The following PDZD2 variants were observed in gnomAD, a reference collection of about 807,000 sequenced individuals.
The protein encoded by PDZD2 is PDZ domain-containing protein 2.
A neutral mutation model predicts 220.7 loss-of-function variants in PDZD2; 90 were observed. The observed-to-expected ratio is 0.41, with a 90% CI of 0.34 to 0.49. The LOEUF is 0.49. Among genes scored for constraint, PDZD2 ranks in the 20% least tolerant of loss-of-function variants. PDZD2 has a pLI of 0.28. For missense variants in PDZD2, 3,174 were observed against 3,608.5 expected (o/e 0.88, Z 3.08); for synonymous variants, 1,375 against 1,450.5 (o/e 0.95, Z 1.18).
At position 32,037,845 on chromosome 5, in the gene PDZD2, AT is replaced by A. The variant is rs11387630; in HGVS notation, c.1519+515del. On this transcript the variant is annotated intron_variant, in intron 7 of 24. Coordinates refer to ENST00000438447, the MANE Select transcript of PDZD2 (RefSeq NM_178140.4). ...ACTTTTGTGTATCATTATGAAAGGC[AT>A]TTTTTTTTTTTCTGAGATGGAGTCT... 3.4e-4 allele frequency among the ~76,000 whole-genome samples: 50 copies of A among 146,548 alleles called. No individual in the cohort carries two copies. The East Asian group carries it at 4.1e-3, about 12-fold the overall frequency.
intron 17 of PDZD2, among the ~76,000 whole-genome samples, chr5:32,073,424 G>A (rs535644325): frequency 6.6e-6 from 1 of 152,292 alleles, no homozygotes. Context: ...GGGCCAAGAA[G>A]GCAGCCCAGG....
At chr5:31,716,066 C>T (rs1362097099) in intron 1 of PDZD2, among the ~76,000 whole-genome samples, 1 of 152,152 alleles carries the variant, frequency 6.6e-6, no homozygotes, top group Non-Finnish European at 1.5e-5. Flanking sequence ...TTAGGGACTG[C>T]CTATATGTGA....
chr5:31,990,926 C>T (rs768628109), intron 3 of PDZD2, among the ~76,000 whole-genome samples: 6 of 152,076 alleles, frequency 3.9e-5, no homozygotes, highest in Non-Finnish European at 5.9e-5. Context: ...AGTAAAGAGG[C>T]GATGTTTGAG....
chr5:32,048,489 G>A (rs375396366), intron 7 of PDZD2, 50 bp from the exon 8 acceptor site: 51 of 1,532,800 alleles, frequency 3.3e-5, no homozygotes, highest in African/African-American at 2.2e-4. Flanking sequence ...ATGTGCTTAC[G>A]ATTCTTTTTG....
rs138743220 is a variant in PDZD2 at position 31,882,787 on chromosome 5, G to A, written c.476+83063G>A. On this transcript the variant is annotated intron_variant, in intron 2 of 24. Coordinates refer to ENST00000438447, the MANE Select transcript of PDZD2 (RefSeq NM_178140.4). ...CTCACATCTAAAATCCCAGCACTTT[G>A]GGAGGCCGAGGTGGGCGGATCACTT... 8.6e-3 allele frequency among the ~76,000 whole-genome samples: 1,310 copies of A among 152,074 alleles called. 16 individuals are homozygous for A. Among genetic ancestry groups the A allele is most frequent in the African/African-American group, 0.03 (1,247 of 41,484 alleles).
chr5:32,052,631 G>T lies in PDZD2; in HGVS notation c.1686G>T (p.Lys562Asn). 6.2e-7 allele frequency: 1 copy of T among 1,613,684 alleles called. No individual in the cohort carries two copies. ...TTTAGGAATACCACATTGTGAAGAA[G>T]TCTACCCGCTCCTTAAGCACGACTC... is the stretch of plus-strand genomic sequence containing the variant. ...SASQEYHIVK[K>N]STRSLSTTQV... The change falls in exon 9 of 25, where the codon AAG becomes AAT. Residue 562 changes from lysine to asparagine, a missense_variant. This residue lies in a region of PDZD2 where 50 missense variants were observed against 109.5 expected (regional missense o/e 0.46). Coordinates refer to ENST00000438447, the MANE Select transcript of PDZD2 (RefSeq NM_178140.4).
intron 6 of PDZD2, among the ~76,000 whole-genome samples, chr5:32,014,011 C>G (rs1037056323): frequency 5.3e-5 from 8 of 152,294 alleles, no homozygotes; most frequent in Admixed American, 2.6e-4. Flanking sequence ...CCAGGGTCGG[C>G]CCTGCTGTGC....
At chr5:31,832,801 GCGAGACTC>G (rs148234522) in intron 2 of PDZD2, among the ~76,000 whole-genome samples, 12,937 of 152,196 alleles carry the variant, frequency 0.085, 719 homozygotes, top group Middle Eastern at 0.13. Flanking sequence ...GGGTGACAGA[GCGAGACTC>G]TGTCTCAAAA....
At chr5:32,017,466 A>G (rs1474310268) in intron 6 of PDZD2, among the ~76,000 whole-genome samples, 1 of 151,980 alleles carries the variant, frequency 6.6e-6, no homozygotes, top group Non-Finnish European at 1.5e-5. Flanking sequence ...TTAGAAAAAA[A>G]TAGTTTAAAA....
chr5:31,884,611 CAG>C (rs1326133712), intron 2 of PDZD2, among the ~76,000 whole-genome samples: 3 of 151,912 alleles, frequency 2.0e-5, no homozygotes, highest in Non-Finnish European at 2.9e-5. Flanking sequence ...TGTTTTGAAG[CAG>C]AGTCTTGCTC....
At chr5:31,914,650 T>C (rs1743520751) in intron 2 of PDZD2, among the ~76,000 whole-genome samples, 1 of 152,228 alleles carries the variant, frequency 6.6e-6, no homozygotes, top group Non-Finnish European at 1.5e-5. Flanking sequence ...CAGATGTCAA[T>C]GTGAGAAAGG....
In PDZD2 at chr5:31,861,637, G is replaced by A. The variant is rs115591159; in HGVS notation, c.476+61913G>A. ...ACTGAAGTGAGGACTGCTTTTAAAT[G>A]ACACAGCACTGAAGACACTTCATGC... On this transcript the variant is annotated intron_variant, in intron 2 of 24. Coordinates refer to ENST00000438447, the MANE Select transcript of PDZD2 (RefSeq NM_178140.4). Among the ~76,000 whole-genome samples the A allele has an allele frequency of 4.9e-3, 746 of 152,284 alleles. 4 individuals carry two copies. Among genetic ancestry groups the A allele is most frequent in the African/African-American group, 0.018 (732 of 41,558 alleles).
In PDZD2 at chr5:32,087,478, C is replaced by G. The variant is rs753330511; in HGVS notation, c.4030C>G (p.Pro1344Ala). The change falls in exon 20 of 25, where the codon CCC (proline) becomes GCC (alanine). Residue 1344 changes from proline to alanine, a missense_variant. By Grantham distance (27) the Pro-to-Ala change is conservative. Coordinates refer to ENST00000438447, the MANE Select transcript of PDZD2 (RefSeq NM_178140.4). This position sits in a 1 kb window ranked among gnomAD's most constrained non-coding sequence, Gnocchi z 4.0. Reference protein sequence around the residue: ...TPAGAVLPGDPLTSQEQRQGA... With the variant: ...TPAGAVLPGDALTSQEQRQGA... ...AGCTGGTGCTGTCCTGCCAGGAGACCCCCTCACATCCCAGGAGCAGAGACA... is the reference window on the plus strand; with the variant it reads ...AGCTGGTGCTGTCCTGCCAGGAGACGCCCTCACATCCCAGGAGCAGAGACA... The G allele has an allele frequency of 6.2e-7, 1 of 1,613,400 alleles. No homozygotes were observed. The highest frequency in any genetic ancestry group is 1.7e-5 in the Admixed American group (1 of 59,970).
chr5:32,035,983 G>A (rs536871211), intron 6 of PDZD2, among the ~76,000 whole-genome samples: 15 of 151,848 alleles, frequency 9.9e-5, no homozygotes, highest in African/African-American at 2.4e-4. Context: ...TCGCTCTGTC[G>A]CCCAGGCTGG....
chr5:31,745,402 A>G (rs1372207407), intron 1 of PDZD2, among the ~76,000 whole-genome samples: 1 of 152,192 alleles, frequency 6.6e-6, no homozygotes, highest in Non-Finnish European at 1.5e-5. Context: ...ATAGTGTCTG[A>G]TACACAGTAG....
At chr5:31,794,730 T>A (rs58326025) in intron 1 of PDZD2, among the ~76,000 whole-genome samples, 13,261 of 151,876 alleles carry the variant, frequency 0.087, 713 homozygotes, top group Middle Eastern at 0.13. Flanking sequence ...TTTTAAAAAA[T>A]TTTTTTTTAT....
intron 2 of PDZD2, among the ~76,000 whole-genome samples, chr5:31,934,915 C>T (rs1286588045): frequency 2.6e-5 from 4 of 151,938 alleles, no homozygotes; most frequent in African/African-American, 9.7e-5. Context: ...GGTGAAACCC[C>T]ATCTCTACTA....
At chr5:31,700,353 A>G (rs902867655) in intron 1 of PDZD2, among the ~76,000 whole-genome samples, 1 of 152,118 alleles carries the variant, frequency 6.6e-6, no homozygotes, top group African/African-American at 2.4e-5. Context: ...GCTGGCCAGC[A>G]GTTGGTGGAG....
At chr5:31,729,099 CTTTTTTTTT>C (rs10650811) in intron 1 of PDZD2, among the ~76,000 whole-genome samples, 1 of 123,652 alleles carries the variant, frequency 8.1e-6, no homozygotes, top group Non-Finnish European at 1.6e-5. Flanking sequence ...TGATCGAAAT[CTTTTTTTTT>C]TTTTTTTTTT....
Sources: gnomAD v4.1 joint callset for allele counts (sites outside exome capture counted in the v4.1 genomes callset) on GRCh38, gnomAD v4.1.1 for gene constraint, gnomAD v4.1.1 regional missense constraint, Gnocchi (gnomAD v3.1) non-coding constraint, MANE v1.5 for transcripts, NCBI Gene and HGNC (gene_info 2026-07-23, HGNC 2026-07-21) for gene names.